Variants in FHIT observed in about 807,000 individuals in gnomAD.
FHIT encodes fragile histidine triad diadenosine triphosphatase.
A neutral mutation model predicts 17.9 loss-of-function variants in FHIT; 19 were observed. The ratio of observed to expected loss-of-function variants is 1.06; its 90% CI spans 0.74 to 1.56. The LOEUF (loss-of-function observed/expected upper bound fraction) is 1.56. Ranked by LOEUF, FHIT falls within the 40% of genes most tolerant of loss-of-function variation. The pLI, the probability that FHIT is intolerant of heterozygous loss-of-function variation, is 0.00. For synonymous variants in FHIT, 81 were observed against 69.7 expected (o/e 1.16, Z -0.81); for missense variants, 248 against 189.2 (o/e 1.31, Z -1.82).
At chr3:60,212,870 C>G (rs9814351) in intron 5 of FHIT, among the ~76,000 whole-genome samples, 8,295 of 152,208 alleles carry the variant, frequency 0.054, 716 homozygotes, top group African/African-American at 0.18. Context: ...AAGAAACCAG[C>G]AAATCCGGGT....
At chr3:60,897,283 A>C (rs1362326571) in intron 3 of FHIT, among the ~76,000 whole-genome samples, 1 of 152,086 alleles carries the variant, frequency 6.6e-6, no homozygotes, top group East Asian at 1.9e-4. Context: ...CTTTTTTATC[A>C]ATTTTTGTGA....
intron 5 of FHIT, among the ~76,000 whole-genome samples, chr3:60,218,319 C>T (rs1703794320): frequency 6.6e-6 from 1 of 152,032 alleles, no homozygotes; most frequent in South Asian, 2.1e-4. Flanking sequence ...ACAAAGCTTT[C>T]AAGTAATGTT....
chr3:60,921,923 G>A (rs1707308999), intron 3 of FHIT, among the ~76,000 whole-genome samples: 4 of 152,070 alleles, frequency 2.6e-5, no homozygotes, highest in Admixed American at 1.3e-4. Context: ...TAATGTAGTC[G>A]GCCAGGCTCT....
intron 8 of FHIT, among the ~76,000 whole-genome samples, chr3:59,792,871 TTG>T (rs1491423178): frequency 0.016 from 1,872 of 118,876 alleles, 44 homozygotes; most frequent in African/African-American, 0.044. Context: ...TCCTTATTTT[TTG>T]GGGGGGGGGG....
intron 5 of FHIT, among the ~76,000 whole-genome samples, chr3:60,357,703 T>A (rs1190539561): frequency 6.6e-6 from 1 of 152,174 alleles, no homozygotes; most frequent in East Asian, 1.9e-4. Flanking sequence ...GGCATATTAT[T>A]CTCTGTAGTA....
At chr3:60,354,388 G>A (rs1699554825) in intron 5 of FHIT, among the ~76,000 whole-genome samples, 1 of 151,964 alleles carries the variant, frequency 6.6e-6, no homozygotes, top group Non-Finnish European at 1.5e-5. Flanking sequence ...AGGATTTGAA[G>A]GCATACATTC....
rs1220678463 is a variant in FHIT at position 60,495,324 on chromosome 3, ATTC to A, written c.103+41533_103+41535del. On this transcript the variant is annotated intron_variant, in intron 5 of 9. Transcript: ENST00000492590. The stretch of plus-strand genomic sequence containing the variant: ...TACATTCTAACAAATACATTCTCTA[ATTC>A]TTCTTTAAGGGAATACTCTTAAAGA... 2.0e-5 allele frequency among the ~76,000 whole-genome samples: 3 copies of A among 152,288 alleles called. No homozygotes were observed. The East Asian group carries it at 5.8e-4, about 29-fold the overall frequency.
At chr3:61,005,012 A>T (rs538498002) in intron 3 of FHIT, among the ~76,000 whole-genome samples, 1 of 152,328 alleles carries the variant, frequency 6.6e-6, no homozygotes, top group African/African-American at 2.4e-5. Context: ...GGTACAGCAG[A>T]GAGGGAGAAG....
At chr3:59,794,998 AACTT>A (rs774364202) in intron 8 of FHIT, among the ~76,000 whole-genome samples, 162 of 152,292 alleles carry the variant, frequency 1.1e-3, no homozygotes, top group Non-Finnish European at 1.5e-3. Context: ...ATAATAATGG[AACTT>A]ACTTACTTAC....
chr3:60,916,882 G>A (rs1478835784), intron 3 of FHIT, among the ~76,000 whole-genome samples: 2 of 152,138 alleles, frequency 1.3e-5, no homozygotes, highest in Non-Finnish European at 2.9e-5. Context: ...TTAAAAGGAA[G>A]AGAATACAGA....
chr3:61,205,198 C>A (rs1281172227), intron 1 of FHIT, among the ~76,000 whole-genome samples: 1 of 152,072 alleles, frequency 6.6e-6, no homozygotes, highest in African/African-American at 2.4e-5. Flanking sequence ...ATATGTGCCA[C>A]ATTTTCTTAA....
intron 5 of FHIT, among the ~76,000 whole-genome samples, chr3:60,356,367 G>A (rs1261711839): frequency 6.6e-6 from 1 of 152,128 alleles, no homozygotes; most frequent in Non-Finnish European, 1.5e-5. Context: ...CAATGAGGAA[G>A]AGCATGATCG....
intron 8 of FHIT, among the ~76,000 whole-genome samples, chr3:59,816,011 C>A (rs891557104): frequency 6.6e-6 from 1 of 152,192 alleles, no homozygotes; most frequent in African/African-American, 2.4e-5. Context: ...TGGTTGTTGT[C>A]ATGAAGCAAA....
At chr3:61,214,758 A>G (rs2039615370) in intron 1 of FHIT, among the ~76,000 whole-genome samples, 1 of 152,246 alleles carries the variant, frequency 6.6e-6, no homozygotes, top group African/African-American at 2.4e-5. Flanking sequence ...AATATCCTCA[A>G]TAAAATACTG....
At chr3:59,858,525 C>T (rs1702272821) in intron 8 of FHIT, among the ~76,000 whole-genome samples, 1 of 152,080 alleles carries the variant, frequency 6.6e-6, no homozygotes, top group African/African-American at 2.4e-5. Context: ...CGTGCCCAGC[C>T]TTTTCCCTTT....
chr3:60,554,685 T>G (rs998751437), intron 4 of FHIT, among the ~76,000 whole-genome samples: 2 of 152,082 alleles, frequency 1.3e-5, no homozygotes, highest in African/African-American at 4.8e-5. Flanking sequence ...ATTTTAAAAA[T>G]AAATACCAAA....
At chr3:61,166,528 G>C (rs1459668409) in intron 2 of FHIT, among the ~76,000 whole-genome samples, 1 of 152,100 alleles carries the variant, frequency 6.6e-6, no homozygotes, top group Admixed American at 6.5e-5. Context: ...ACAGAAGCAG[G>C]CTGTATTTTT....
rs192261081 is a variant in FHIT, at chr3:60,571,971, A to G, written c.-17-34992T>C. Reference sequence around the variant, plus strand: ...ATCATTTCTTTGGTCATTGCTTTTTATTTATAAAATGACGGCTTGGATCAA... The same window carrying G: ...ATCATTTCTTTGGTCATTGCTTTTTGTTTATAAAATGACGGCTTGGATCAA... On this transcript the variant is annotated intron_variant, in intron 4 of 9. Coordinates refer to ENST00000492590, the MANE Select transcript of FHIT (RefSeq NM_002012.4). Among the ~76,000 whole-genome samples, 46 of 152,256 alleles carry G rather than the reference A, an allele frequency of 3.0e-4. 1 individual carries two copies. The highest frequency in any genetic ancestry group is 2.0e-3 in the Admixed American group (31 of 15,290).
intron 4 of FHIT, among the ~76,000 whole-genome samples, chr3:60,737,728 G>T (rs552236407): frequency 6.6e-6 from 1 of 152,154 alleles, no homozygotes; most frequent in African/African-American, 2.4e-5. Context: ...CCTTAAATGT[G>T]GGGGAGAAAA....
Sources: gnomAD v4.1 joint callset for allele counts (sites outside exome capture counted in the v4.1 genomes callset) on GRCh38, gnomAD v4.1.1 for gene constraint, MANE v1.5 for transcripts, NCBI Gene and HGNC (gene_info 2026-07-23, HGNC 2026-07-21) for gene names.